MYO18B: variants seen among roughly 807,000 people sequenced by gnomAD.
MYO18B encodes unconventional myosin-XVIIIb.
A neutral mutation model predicts 273.0 loss-of-function variants in MYO18B; 204 were observed. The observed-to-expected ratio is 0.75, with a 90% confidence interval of 0.67 to 0.84. The LOEUF is 0.84. MYO18B is among the 40% of genes least tolerant of loss of function. The pLI is 0.00. For missense variants in MYO18B, 3,212 were observed against 3,287.6 expected (o/e 0.98, Z 0.56); for synonymous variants, 1,330 against 1,305.7 (o/e 1.02, Z -0.40).
At chr22:25,945,174 C>G (rs1428091329) in intron 34 of MYO18B, among the ~76,000 whole-genome samples, 3 of 152,162 alleles carry the variant, frequency 2.0e-5, no homozygotes, top group East Asian at 3.9e-4. Flanking sequence ...TTTGCATACC[C>G]TTTTAAAGGG....
chr22:26,032,303 C>A (rs770645038), downstream of MYO18B, among the ~76,000 whole-genome samples: 9 of 152,144 alleles, frequency 5.9e-5, no homozygotes, highest in Non-Finnish European at 1.0e-4. Context: ...TTTCTGGAGG[C>A]AGGAAGTCTG....
Position 26,022,483 on chromosome 22 carries a change from C to T in MYO18B, c.6471-3962C>T, listed in dbSNP as rs1935907148. On this transcript the variant is annotated intron_variant, in intron 42 of 43. Transcript: ENST00000335473. The stretch of plus-strand genomic sequence containing the variant: ...GAAGTGGATGCAAGGAACTTTATAC[C>T]TTGAGAGGTGGTGCAGACAGGAAGT... Among the ~76,000 whole-genome samples the T allele has an allele frequency of 2.0e-5, 3 of 152,210 alleles. No individual in the cohort carries two copies. In the South Asian group the frequency reaches 6.2e-4, roughly 32 times the overall value.
intron 25 of MYO18B, among the ~76,000 whole-genome samples, chr22:25,886,271 A>G (rs4822670): frequency 0.21 from 31,597 of 152,238 alleles, 3,636 homozygotes; most frequent in East Asian, 0.37. Flanking sequence ...TGGGATGCAC[A>G]GCAGAGGGCT....
At chr22:25,791,645 T>C (rs535524073) in intron 11 of MYO18B, among the ~76,000 whole-genome samples, 318 of 152,284 alleles carry the variant, frequency 2.1e-3, no homozygotes, top group Non-Finnish European at 4.0e-3. Context: ...GTGGTAATAA[T>C]AATAATAATC....
rs550898961 is a variant in MYO18B at position 25,843,402 on chromosome 22, G to GA, written c.3209-329dup. ...TTTAAAATGAATGTACTGTACTTGT[G>GA]AAAATGTAAGTCGATTTAAAGAAAA... On this transcript the variant is annotated intron_variant, in intron 17 of 43. Transcript: ENST00000335473. Among the ~76,000 whole-genome samples, 268 of 152,278 alleles carry GA rather than the reference G, an allele frequency of 1.8e-3. 12 individuals carry two copies. The South Asian group carries it at 0.055, about 31-fold the overall frequency.
intron 21 of MYO18B, among the ~76,000 whole-genome samples, chr22:25,860,387 T>G (rs2090695876): frequency 1.3e-5 from 2 of 152,348 alleles, no homozygotes; most frequent in South Asian, 4.1e-4. Flanking sequence ...TTCCTTTCAC[T>G]TGATTTGAGT....
intron 11 of MYO18B, among the ~76,000 whole-genome samples, chr22:25,794,221 C>T (rs770910859): frequency 9.3e-5 from 14 of 150,818 alleles, no homozygotes; most frequent in Admixed American, 3.3e-4. Flanking sequence ...TGTGAGCCAC[C>T]GCACCTGGCC....
chr22:25,803,206 G>T (rs1004257067), intron 12 of MYO18B, among the ~76,000 whole-genome samples: 10 of 151,562 alleles, frequency 6.6e-5, no homozygotes, highest in African/African-American at 2.2e-4. Flanking sequence ...CTCGTGATCC[G>T]CCTGCCTCAG....
In MYO18B at chr22:25,769,333, A is replaced by C; in HGVS notation, c.1417A>C (p.Lys473Gln). ...AGGACCCAGCCAGCCTGCTCTGGAGAAGGATGCAGAAAGGCCTCGGATACG... is the reference window on the plus strand; with the variant it reads ...AGGACCCAGCCAGCCTGCTCTGGAGCAGGATGCAGAAAGGCCTCGGATACG... ...LEGPSQPALEKDAERPRIRKE... is the reference protein window; with the variant it reads ...LEGPSQPALEQDAERPRIRKE... Residue 473 changes from lysine (K) to glutamine (Q), a missense_variant, in exon 4 of 44, where the codon AAG (lysine) becomes CAG (glutamine). Lys to Gln is a moderately conservative substitution (Grantham distance 53, BLOSUM62 1). Coordinates refer to ENST00000335473, the MANE Select transcript of MYO18B (RefSeq NM_032608.7). The C allele has an allele frequency of 4.4e-6, 7 of 1,578,070 alleles. No homozygotes were observed. The highest frequency in any genetic ancestry group is 6.0e-6 in the Non-Finnish European group (7 of 1,162,500).
chr22:25,800,390 C>T (rs1289022505), intron 12 of MYO18B, among the ~76,000 whole-genome samples: 1 of 152,246 alleles, frequency 6.6e-6, no homozygotes, highest in African/African-American at 2.4e-5. Context: ...CTACTTTGTT[C>T]AGGGAACTGT....
the MYO18B span, among the ~76,000 whole-genome samples, chr22:26,041,352 C>CAAAA: frequency 0.01 from 639 of 62,156 alleles, 18 homozygotes; most frequent in African/African-American, 0.034. Flanking sequence ...CTGTCTCTAC[C>CAAAA]AAAAAAAAAA....
At chr22:25,918,828 G>A (rs1002020491) in intron 33 of MYO18B, among the ~76,000 whole-genome samples, 3 of 152,194 alleles carry the variant, frequency 2.0e-5, no homozygotes, top group Non-Finnish European at 4.4e-5. Flanking sequence ...TCATGAGTCT[G>A]GGTTCTAGAG....
At chr22:25,763,010 C>T (rs186185904) in intron 2 of MYO18B, 231 of 724,684 alleles carry the variant, frequency 3.2e-4, no homozygotes, top group Non-Finnish European at 5.3e-4. Context: ...CATTGACCCG[C>T]ATAATTCCTG....
intron 42 of MYO18B, among the ~76,000 whole-genome samples, chr22:26,013,921 G>A (rs1242792940): frequency 2.0e-5 from 3 of 152,012 alleles, no homozygotes; most frequent in African/African-American, 7.3e-5. Context: ...CCTTTATAAG[G>A]TATGTGGGTT....
At position 25,863,156 on chromosome 22, in the gene MYO18B, T is replaced by C. The variant is rs2090788325; in HGVS notation, c.3886-5164T>C. On this transcript the variant is annotated intron_variant, in intron 21 of 43. Transcript: ENST00000335473. ...TTACTTTTCAAATGAAGAAGTTCCA[T>C]TTGGATCTTTTAAAAATAATTTCTA... 2.6e-5 allele frequency among the ~76,000 whole-genome samples: 4 copies of C among 152,230 alleles called. No homozygotes were observed. The South Asian group carries it at 8.3e-4, about 31-fold the overall frequency.
intron 7 of MYO18B, among the ~76,000 whole-genome samples, chr22:25,773,551 C>G (rs1440143643): frequency 6.6e-6 from 1 of 152,108 alleles, no homozygotes; most frequent in Non-Finnish European, 1.5e-5. Context: ...GCAAGCGCCG[C>G]CTCCCGGGTT....
chr22:26,050,758 G>A, the MYO18B span, among the ~76,000 whole-genome samples: 12,864 of 152,148 alleles, frequency 0.085, 1,032 homozygotes, highest in African/African-American at 0.22. Context: ...GATGAATTAC[G>A]TGTTAGAACA....
chr22:25,948,224 A>C, intron 36 of MYO18B, among the ~76,000 whole-genome samples: 1 of 151,672 alleles, frequency 6.6e-6, no homozygotes, highest in Admixed American at 6.6e-5. Context: ...CATCCACCCA[A>C]CCACCCATCC....
At chr22:25,846,482 G>C (rs2090251339) in intron 19 of MYO18B, among the ~76,000 whole-genome samples, 199 bp downstream of exon 19, 1 of 152,232 alleles carries the variant, frequency 6.6e-6, no homozygotes, top group African/African-American at 2.4e-5. Flanking sequence ...CCCCCAGGAA[G>C]TGACTGATCC....
Sources: allele counts gnomAD v4.1 joint callset (sites outside exome capture counted in the v4.1 genomes callset), GRCh38; gene constraint gnomAD v4.1.1; transcripts MANE v1.5; gene names NCBI Gene and HGNC (gene_info 2026-07-23, HGNC 2026-07-21).